The following ZMIZ1 variants were observed in gnomAD, a reference collection of about 807,000 sequenced individuals.
ZMIZ1 encodes zinc finger MIZ domain-containing protein 1.
In ZMIZ1, 17 loss-of-function variants were observed where a neutral mutation model predicts 113.9. That is an observed-to-expected ratio of 0.15 (90% CI 0.10 to 0.22). The LOEUF (loss-of-function observed/expected upper bound fraction) is 0.22. Among genes scored for constraint, ZMIZ1 ranks in the 10% least tolerant of loss-of-function variants. The probability of loss-of-function intolerance (pLI) is 1.00; values close to 1 mark genes in which losing one functional copy is unlikely to be tolerated. For missense variants in ZMIZ1, 1,059 were observed against 1,477.8 expected (o/e 0.72, Z 4.65); for synonymous variants, 607 against 603.1 (o/e 1.01, Z -0.09).
intron 7 of ZMIZ1, among the ~76,000 whole-genome samples, chr10:79,261,206 C>T (rs1220539832): frequency 1.3e-5 from 2 of 152,252 alleles, no homozygotes; most frequent in African/African-American, 4.8e-5. Context: ...ACCCGGCCGG[C>T]CCCTCAGAGG....
intron 4 of ZMIZ1, among the ~76,000 whole-genome samples, chr10:79,181,181 C>T (rs1273400403): frequency 5.9e-5 from 9 of 152,150 alleles, no homozygotes; most frequent in Admixed American, 3.9e-4. Flanking sequence ...AGGGAGCACC[C>T]GGGTTTCAGC....
chr10:79,299,308 A>T, intron 16 of ZMIZ1, 117 bp downstream of exon 16: 2 of 1,393,112 alleles, frequency 1.4e-6, no homozygotes, highest in Non-Finnish European at 1.9e-6. Context: ...TGACACCTTC[A>T]CGTGTTCAGC....
chr10:79,291,235 T>C, intron 10 of ZMIZ1, 59 bp downstream of exon 10: 2 of 1,498,754 alleles, frequency 1.3e-6, no homozygotes, highest in Non-Finnish European at 1.8e-6. Flanking sequence ...CTCCTTCCAG[T>C]GGGGAGGGAC....
chr10:79,137,272 G>T (rs1176762488), intron 2 of ZMIZ1, among the ~76,000 whole-genome samples: 1 of 152,282 alleles, frequency 6.6e-6, no homozygotes, highest in Admixed American at 6.5e-5. Context: ...GCGGTGTTAT[G>T]TGCAGGCTGG....
chr10:79,182,201 C>T (rs562011720), intron 4 of ZMIZ1, among the ~76,000 whole-genome samples: 7 of 152,332 alleles, frequency 4.6e-5, no homozygotes, highest in African/African-American at 9.6e-5. Context: ...CAATTTAATC[C>T]GCCCAAGCTC....
At chr10:79,228,804 G>C (rs1275717141) in intron 7 of ZMIZ1, among the ~76,000 whole-genome samples, 1 of 152,222 alleles carries the variant, frequency 6.6e-6, no homozygotes, top group African/African-American at 2.4e-5. Flanking sequence ...ATTGGGGGTA[G>C]CCTAGGACAG....
chr10:79,290,325 T>C (rs12243261), intron 9 of ZMIZ1, among the ~76,000 whole-genome samples: 5,620 of 152,194 alleles, frequency 0.037, 232 homozygotes, highest in African/African-American at 0.1. Context: ...CAGACCCACC[T>C]CCCTCTCATT....
At chr10:79,265,404 C>T (rs921581726) in intron 7 of ZMIZ1, among the ~76,000 whole-genome samples, 1 of 151,546 alleles carries the variant, frequency 6.6e-6, no homozygotes, top group Non-Finnish European at 1.5e-5. Flanking sequence ...GGGGTGGGGG[C>T]AGCAGAGACG....
intron 3 of ZMIZ1, among the ~76,000 whole-genome samples, chr10:79,142,987 G>A (rs1168116205): frequency 6.6e-6 from 1 of 152,230 alleles, no homozygotes; most frequent in Non-Finnish European, 1.5e-5. Context: ...CTCCCAGTTA[G>A]GGGAGCTCTC....
chr10:79,239,423 C>A lies in ZMIZ1; in HGVS notation c.280+23149C>A, dbSNP rs554803990. Among the ~76,000 whole-genome samples the A allele has an allele frequency of 7.2e-5, 11 of 152,332 alleles. No homozygotes were observed. In the South Asian group the frequency reaches 2.3e-3, roughly 32 times the overall value. ...CCTGAGCTCATGCCTGTCACTCTCA[C>A]GTGGACACGTGGCTGGGGCCTCCTT... On this transcript the variant is annotated intron_variant, in intron 7 of 24. Coordinates refer to ENST00000334512, the MANE Select transcript of ZMIZ1 (RefSeq NM_020338.4).
At chr10:79,213,632 A>G (rs1848607984) in intron 6 of ZMIZ1, among the ~76,000 whole-genome samples, 3 of 152,184 alleles carry the variant, frequency 2.0e-5, no homozygotes, top group Admixed American at 2.0e-4. Context: ...GTATTGGCCA[A>G]ACATGGGGAC....
intron 7 of ZMIZ1, among the ~76,000 whole-genome samples, chr10:79,229,767 G>T (rs1276453510): frequency 3.3e-5 from 5 of 152,090 alleles, no homozygotes; most frequent in Non-Finnish European, 7.4e-5. Context: ...GGAAAAGATG[G>T]TGTCAACAGA....
At chr10:79,292,080 C>T in intron 10 of ZMIZ1, 78 bp from the exon 11 acceptor site, 8 of 1,392,780 alleles carry the variant, frequency 5.7e-6, no homozygotes, top group South Asian at 1.3e-5. Flanking sequence ...CCATCATCTC[C>T]CTTCCAGCCC....
At chr10:79,079,905 C>T (rs77911663) in intron 1 of ZMIZ1, among the ~76,000 whole-genome samples, 6,207 of 152,316 alleles carry the variant, frequency 0.041, 180 homozygotes, top group Middle Eastern at 0.075. Context: ...TTGTGGGTCC[C>T]GCCCAGGTTC....
chr10:79,154,307 C>T (rs961680011), intron 3 of ZMIZ1, among the ~76,000 whole-genome samples: 12 of 152,158 alleles, frequency 7.9e-5, no homozygotes, highest in Non-Finnish European at 1.8e-4. Context: ...AAGGACTCTG[C>T]TGAGAGCCTC....
intron 3 of ZMIZ1, among the ~76,000 whole-genome samples, chr10:79,146,764 C>T (rs1009585924): frequency 1.1e-4 from 17 of 152,208 alleles, no homozygotes; most frequent in African/African-American, 3.9e-4. Flanking sequence ...GCTTCCGCCC[C>T]GACTCTGCTG....
At chr10:79,201,165 G>T (rs1054161283) in intron 4 of ZMIZ1, among the ~76,000 whole-genome samples, 12 of 152,154 alleles carry the variant, frequency 7.9e-5, no homozygotes, top group African/African-American at 2.7e-4. Flanking sequence ...AAAATTAGCC[G>T]GGTGTGGTGG....
intron 4 of ZMIZ1, among the ~76,000 whole-genome samples, chr10:79,168,649 G>A (rs1212721086): frequency 1.3e-5 from 2 of 152,226 alleles, no homozygotes; most frequent in Non-Finnish European, 2.9e-5. Flanking sequence ...AGGATTCGGA[G>A]GCTGTGTGCG....
intron 1 of ZMIZ1, among the ~76,000 whole-genome samples, chr10:79,109,615 G>C (rs1174045907): frequency 6.6e-6 from 1 of 152,158 alleles, no homozygotes; most frequent in African/African-American, 2.4e-5. Context: ...TCCACCCTTT[G>C]TTTCTCCCCA....
Sources: allele counts gnomAD v4.1 joint callset (sites outside exome capture counted in the v4.1 genomes callset), GRCh38; gene constraint gnomAD v4.1.1; transcripts MANE v1.5; gene names NCBI Gene and HGNC (gene_info 2026-07-23, HGNC 2026-07-21).